The following COL4A1 variants were observed in gnomAD, a reference collection of about 807,000 sequenced individuals.
COL4A1 encodes collagen alpha-1(IV) chain.
COL4A1 carries 40 observed loss-of-function variants against 216.6 expected under a neutral mutation model. The ratio of observed to expected loss-of-function variants is 0.18; its 90% confidence interval spans 0.14 to 0.24. COL4A1 has a LOEUF of 0.24. Among genes scored for constraint, COL4A1 ranks in the 10% least tolerant of loss-of-function variants. The pLI, the probability that COL4A1 is intolerant of heterozygous loss-of-function variation, is 1.00. For missense variants in COL4A1, 1,628 were observed against 2,196.8 expected, an observed-to-expected ratio of 0.74 and a Z score of 5.18; for synonymous variants, 839 against 810.7, an observed-to-expected ratio of 1.03 and a Z score of -0.59.
At chr13:110,189,438 T>C (rs1218126728) in intron 24 of COL4A1, among the ~76,000 whole-genome samples, 1 of 152,214 alleles carries the variant, frequency 6.6e-6, no homozygotes, top group East Asian at 1.9e-4. Flanking sequence ...CGTAGCACGC[T>C]CCTGTCATGG....
intron 1 of COL4A1, among the ~76,000 whole-genome samples, chr13:110,261,122 TCAC>T (rs1882807707): frequency 6.6e-6 from 1 of 151,420 alleles, no homozygotes; most frequent in Admixed American, 6.6e-5. Flanking sequence ...AAAGATTTGT[TCAC>T]CAATTCCATG....
At chr13:110,296,979 A>G (rs931279725) in intron 1 of COL4A1, among the ~76,000 whole-genome samples, 1 of 152,204 alleles carries the variant, frequency 6.6e-6, no homozygotes, top group African/African-American at 2.4e-5. Context: ...CAGCCCTACC[A>G]GGGCATGCCA....
At chr13:110,246,687 T>A (rs559410819) in intron 1 of COL4A1, among the ~76,000 whole-genome samples, 1 of 152,318 alleles carries the variant, frequency 6.6e-6, no homozygotes, top group African/African-American at 2.4e-5. Context: ...GGGCTCTGCA[T>A]TCTCCCGGTG....
chr13:110,205,446 T>C (rs944305240), intron 16 of COL4A1, 40 bp from the exon 17 acceptor site: 35 of 1,611,318 alleles, frequency 2.2e-5, no homozygotes, highest in Non-Finnish European at 3.0e-5. Flanking sequence ...CAGAGGCCAG[T>C]GGTAGGAACA....
At chr13:110,237,492 C>T (rs1424239608) in intron 2 of COL4A1, among the ~76,000 whole-genome samples, 1 of 152,154 alleles carries the variant, frequency 6.6e-6, no homozygotes, top group Non-Finnish European at 1.5e-5. Context: ...TGGGATGCTG[C>T]TCGACATCCT....
At chr13:110,286,498 G>A (rs1883849413) in intron 1 of COL4A1, among the ~76,000 whole-genome samples, 1 of 152,208 alleles carries the variant, frequency 6.6e-6, no homozygotes, top group South Asian at 2.1e-4. Flanking sequence ...ATCATGCCAA[G>A]AAATCCATTC....
Position 110,155,323 on chromosome 13 carries a change from C to T in COL4A1, c.4715G>A (p.Ser1572Asn). 1.9e-6 allele frequency: 3 copies of T among 1,614,184 alleles called. No individual in the cohort carries two copies. Among genetic ancestry groups the T allele is most frequent in the Non-Finnish European group, 2.5e-6 (3 of 1,180,002 alleles). ...GCCGATCCACAGCGAGGACCACCCG[C>T]TGGGGCACGGTGGGATCTGAATGGT... ...SQTIQIPPCPSGWSSLWIGYS... is the reference protein window; with the variant it reads ...SQTIQIPPCPNGWSSLWIGYS... The change falls in exon 50 of 52, where the codon AGC (serine) becomes AAC (asparagine). Residue 1572 changes from serine to asparagine, a missense_variant. Physicochemically the swap from Ser to Asn is conservative, Grantham distance 46. Around this residue, in one of 8 missense-constraint regions of COL4A1, gnomAD observed 254 missense variants for 300.1 expected, o/e 0.85. Transcript: ENST00000375820.
chr13:110,172,194 G>A (rs1406513852), intron 41 of COL4A1, among the ~76,000 whole-genome samples: 1 of 152,222 alleles, frequency 6.6e-6, no homozygotes, highest in East Asian at 1.9e-4. Flanking sequence ...GTGTCGTGCA[G>A]CTCACATGCC....
Position 110,164,947 on chromosome 13 carries a change from G to A in COL4A1, c.4065C>T (p.Ile1355=), listed in dbSNP as rs1227836742. ...PPGPPGPYDI[I]KGEPGLPGPE... is the part of the protein sequence containing the mutation. ...GACCAGGGAGCCCGGGCTCCCCTTT[G>A]ATGATGTCGTAAGGACCTGGGGGGC... The change falls in exon 46 of 52, where the codon ATC becomes ATT. Residue 1355 remains isoleucine (I), a synonymous_variant. Transcript: ENST00000375820. 1.2e-6 allele frequency: 2 copies of A among 1,605,114 alleles called. No individual in the cohort carries two copies. Among genetic ancestry groups the A allele is most frequent in the South Asian group, 2.2e-5 (2 of 89,218 alleles).
intron 24 of COL4A1, among the ~76,000 whole-genome samples, chr13:110,191,925 A>G (rs1344935704): frequency 6.6e-6 from 1 of 152,212 alleles, no homozygotes; most frequent in Non-Finnish European, 1.5e-5. Flanking sequence ...CCCTGAGGGA[A>G]GGACACACTC....
At chr13:110,292,200 T>C (rs76720377) in intron 1 of COL4A1, among the ~76,000 whole-genome samples, 4,058 of 152,342 alleles carry the variant, frequency 0.027, 100 homozygotes, top group South Asian at 0.07. Flanking sequence ...AAAATCTTTT[T>C]GACAGTTCTT....
chr13:110,185,194 G>A (rs1321731099), intron 26 of COL4A1, among the ~76,000 whole-genome samples: 1 of 152,020 alleles, frequency 6.6e-6, no homozygotes, highest in African/African-American at 2.4e-5. Context: ...CACCCAGGCT[G>A]GAGTGCAGTG....
intron 2 of COL4A1, among the ~76,000 whole-genome samples, chr13:110,235,003 A>T (rs1881241402): frequency 6.6e-6 from 1 of 152,236 alleles, no homozygotes; most frequent in African/African-American, 2.4e-5. Flanking sequence ...TACACTAAGG[A>T]ACACTTTTTA....
intron 1 of COL4A1, among the ~76,000 whole-genome samples, chr13:110,246,741 A>G (rs897192206): frequency 2.0e-4 from 30 of 152,080 alleles, no homozygotes; most frequent in Non-Finnish European, 3.4e-4. Context: ...TCTGTTTCAG[A>G]TTCTAGAATG....
intron 2 of COL4A1, among the ~76,000 whole-genome samples, chr13:110,231,111 CGTG>C (rs1287623105): frequency 2.0e-5 from 3 of 152,230 alleles, no homozygotes; most frequent in Admixed American, 1.3e-4. Context: ...TTCCAGCCCG[CGTG>C]GTGAGGAGAC....
chr13:110,231,509 G>C (rs1285194539), intron 2 of COL4A1, among the ~76,000 whole-genome samples: 1 of 152,142 alleles, frequency 6.6e-6, no homozygotes, highest in African/African-American at 2.4e-5. Flanking sequence ...CTTCCCATTG[G>C]ACATCCATTC....
chr13:110,150,077 C>T lies in COL4A1; in HGVS notation c.*286G>A, dbSNP rs1250227626. ...CACCCTTTGGTTTTCTGATGGAGTT[C>T]TCACTTCACACATCAGTGCATTGGA... On this transcript the variant is annotated 3_prime_UTR_variant, in exon 52 of 52. Transcript: ENST00000375820. 5.4e-5 allele frequency: 24 copies of T among 444,232 alleles called. No individual in the cohort carries two copies. The highest frequency in any genetic ancestry group is 9.6e-5 in the Non-Finnish European group (23 of 238,474). 27.5% of individuals were successfully genotyped at this position (444,232 alleles called of 1,614,324 possible).
chr13:110,248,413 C>T (rs1226334461), intron 1 of COL4A1, among the ~76,000 whole-genome samples: 1 of 152,186 alleles, frequency 6.6e-6, no homozygotes, highest in Non-Finnish European at 1.5e-5. Context: ...AAATTCCACT[C>T]CCAGGGATAA....
chr13:110,307,140 G>T lies in COL4A1; in HGVS notation c.-113C>A. The T allele has an allele frequency of 1.2e-6, 1 of 846,102 alleles. No individual in the cohort carries two copies. Among genetic ancestry groups the T allele is most frequent in the Non-Finnish European group, 1.7e-6 (1 of 604,844 alleles). The allele number at this position is 846,102 out of a possible 1,614,324, so 52.4% of individuals were successfully genotyped here. A position where few individuals can be genotyped will look rare whatever the true frequency, so the allele number is the denominator to read the frequency against. ...CGCTACGCACCGTCCCGGGTGCGGC[G>T]GCTCCAAGCGGAGACCTGAGCGCGG... On this transcript the variant is annotated 5_prime_UTR_variant, in exon 1 of 52. Coordinates refer to ENST00000375820, the MANE Select transcript of COL4A1 (RefSeq NM_001845.6). This position sits in a 1 kb window ranked among gnomAD's most constrained non-coding sequence, Gnocchi z 5.0.
Sources: gnomAD v4.1 joint callset for allele counts (sites outside exome capture counted in the v4.1 genomes callset) on GRCh38, gnomAD v4.1.1 for gene constraint, gnomAD v4.1.1 regional missense constraint, Gnocchi (gnomAD v3.1) non-coding constraint, MANE v1.5 for transcripts, NCBI Gene and HGNC (gene_info 2026-07-23, HGNC 2026-07-21) for gene names.